ONECUT1: variants seen among roughly 807,000 people sequenced by gnomAD.
The protein encoded by ONECUT1 is one cut homeobox 1, also known as hepatocyte nuclear factor 6.
In ONECUT1, 12 loss-of-function variants were observed where a neutral mutation model predicts 25.6. That is an observed-to-expected ratio of 0.47 (90% CI 0.30 to 0.76). ONECUT1 has a LOEUF of 0.76. ONECUT1 is among the 30% of genes least tolerant of loss of function. The pLI is 0.07. For synonymous variants in ONECUT1, 285 were observed against 270.2 expected, an observed-to-expected ratio of 1.05 and a Z score of -0.54; for missense variants, 620 against 651.2, an observed-to-expected ratio of 0.95 and a Z score of 0.52.
chr15:52,790,087 C>G lies in ONECUT1; in HGVS notation c.-203G>C, dbSNP rs2083910850. The G allele has an allele frequency of 1.1e-5, 7 of 646,206 alleles. No homozygotes were observed. The highest frequency in any genetic ancestry group is 1.5e-5 in the Non-Finnish European group (7 of 452,592). 40.0% of individuals were successfully genotyped at this position (646,206 alleles called of 1,614,324 possible). On this transcript the variant is annotated 5_prime_UTR_variant, in exon 1 of 2. Transcript: ENST00000305901. ...TGTGCGTGTGTGTGTGTGTGTGTGT[C>G]TCGCCTTCCCTCTTACCCCCCACCT...
At chr15:52,763,104 G>A (rs2083715133) in intron 1 of ONECUT1, among the ~76,000 whole-genome samples, 1 of 152,202 alleles carries the variant, frequency 6.6e-6, no homozygotes, top group Non-Finnish European at 1.5e-5. Context: ...ATTAAAAATA[G>A]AGAAATACTT....
chr15:52,782,842 A>G (rs2083850084), intron 1 of ONECUT1, among the ~76,000 whole-genome samples: 1 of 152,208 alleles, frequency 6.6e-6, no homozygotes, highest in Non-Finnish European at 1.5e-5. Context: ...ATTCCAATAA[A>G]TGGACTTTAC....
rs115057815 is a variant in ONECUT1 at position 52,756,804 on chromosome 15, C to T, written c.*751G>A. On this transcript the variant is annotated 3_prime_UTR_variant, in exon 2 of 2. Coordinates refer to ENST00000305901, the MANE Select transcript of ONECUT1 (RefSeq NM_004498.4). The stretch of plus-strand genomic sequence containing the variant: ...TTCATAGTATCTTGTGTAAAAATAG[C>T]TTTGGTTATTAAAATCATTGCAATA... Among the ~76,000 whole-genome samples the T allele has an allele frequency of 4.5e-4, 69 of 152,166 alleles. 1 individual carries two copies. The highest frequency in any genetic ancestry group is 1.4e-3 in the African/African-American group (60 of 41,502).
chr15:52,781,881 C>T (rs1395542783), intron 1 of ONECUT1, among the ~76,000 whole-genome samples: 1 of 152,290 alleles, frequency 6.6e-6, no homozygotes, highest in East Asian at 1.9e-4. Flanking sequence ...CATCTATGTT[C>T]CGATCACAGT....
At chr15:52,774,196 A>G (rs750436683) in intron 1 of ONECUT1, among the ~76,000 whole-genome samples, 14 of 150,806 alleles carry the variant, frequency 9.3e-5, no homozygotes, top group Non-Finnish European at 1.8e-4. Flanking sequence ...GCTGTGGGTG[A>G]TTCTTTTATT....
intron 1 of ONECUT1, among the ~76,000 whole-genome samples, chr15:52,779,281 G>A (rs1188063523): frequency 6.6e-6 from 1 of 151,794 alleles, no homozygotes; most frequent in East Asian, 1.9e-4. Context: ...GTACAGACAG[G>A]GTTTCACCCT....
At position 52,789,662 on chromosome 15, in the gene ONECUT1, G is replaced by T. The variant is rs74805019; in HGVS notation, c.223C>A (p.Pro75Thr). 6.5e-7 allele frequency: 1 copy of T among 1,534,306 alleles called. No individual in the cohort carries two copies. Residue 75 changes from proline (P) to threonine (T), a missense_variant, in exon 1 of 2, where the codon CCT becomes ACT. By Grantham distance (38) the Pro-to-Thr change is conservative. Around this residue, in one of 4 missense-constraint regions of ONECUT1, gnomAD observed 440 missense variants for 404.9 expected, o/e 1.09. Transcript: ENST00000305901. This position sits in a 1 kb window ranked among gnomAD's most constrained non-coding sequence, Gnocchi z 4.1. ...AGGGGGCCGGCCAGGCTGTGCTCAG[G>T]GGCCCGGTGGTGGTGGTGGTAATCT... is the stretch of plus-strand genomic sequence containing the variant. ...GGDYHHHHRAPEHSLAGPLHP... is the reference protein window; with the variant it reads ...GGDYHHHHRATEHSLAGPLHP...
chr15:52,769,709 GA>G (rs1189382729), intron 1 of ONECUT1, among the ~76,000 whole-genome samples: 2 of 152,158 alleles, frequency 1.3e-5, no homozygotes, highest in Non-Finnish European at 2.9e-5. Flanking sequence ...GTGGAACATT[GA>G]AATTAGTTGG....
intron 1 of ONECUT1, among the ~76,000 whole-genome samples, chr15:52,759,460 C>A (rs115906388): frequency 0.011 from 1,715 of 152,288 alleles, 36 homozygotes; most frequent in African/African-American, 0.04. Flanking sequence ...AGAGTCCAAT[C>A]CAGAAGGCTC....
intron 1 of ONECUT1, among the ~76,000 whole-genome samples, chr15:52,760,890 C>G (rs957172876): frequency 6.6e-6 from 1 of 152,082 alleles, no homozygotes; most frequent in Non-Finnish European, 1.5e-5. Flanking sequence ...AAGAATGCTA[C>G]AGTGGGTGCT....
In ONECUT1 at chr15:52,757,258, C is replaced by A. The variant is rs968222860; in HGVS notation, c.*297G>T. ...CTCAATGGCTCAAAATCACTATGCTCCAAACCACTAAACAGCCAAGCACAG... is the reference window on the plus strand; with the variant it reads ...CTCAATGGCTCAAAATCACTATGCTACAAACCACTAAACAGCCAAGCACAG... On this transcript the variant is annotated 3_prime_UTR_variant, in exon 2 of 2. Transcript: ENST00000305901. 2.3e-5 allele frequency: 8 copies of A among 346,942 alleles called. No homozygotes were observed. The highest frequency in any genetic ancestry group is 4.2e-5 in the Non-Finnish European group (8 of 191,518). 21.5% of individuals were successfully genotyped at this position (346,942 alleles called of 1,614,324 possible).
At chr15:52,773,308 A>C (rs1311495052) in intron 1 of ONECUT1, among the ~76,000 whole-genome samples, 1 of 152,110 alleles carries the variant, frequency 6.6e-6, no homozygotes, top group African/African-American at 2.4e-5. Flanking sequence ...AAAGACATAT[A>C]AATAGGGAAT....
At chr15:52,768,264 A>G (rs771151317) in intron 1 of ONECUT1, among the ~76,000 whole-genome samples, 3 of 152,240 alleles carry the variant, frequency 2.0e-5, no homozygotes, top group African/African-American at 4.8e-5. Context: ...TGATTTTATC[A>G]TTACACATTG....
chr15:52,784,773 C>T lies in ONECUT1; in HGVS notation c.1105+4007G>A, dbSNP rs571360894. Among the ~76,000 whole-genome samples the T allele has an allele frequency of 2.0e-5, 3 of 152,346 alleles. No individual in the cohort carries two copies. In the South Asian group the frequency reaches 6.2e-4, roughly 32 times the overall value. ...GCTAGGTGTGTGTGTGTGAGGGTCCCCAGTTGACTACCGGGATGCACTGCC... is the reference window on the plus strand; with the variant it reads ...GCTAGGTGTGTGTGTGTGAGGGTCCTCAGTTGACTACCGGGATGCACTGCC... On this transcript the variant is annotated intron_variant, in intron 1 of 1. Coordinates refer to ENST00000305901, the MANE Select transcript of ONECUT1 (RefSeq NM_004498.4). The surrounding 1 kb of genome is among the most constrained non-coding windows in gnomAD (Gnocchi z 5.0).
intron 1 of ONECUT1, among the ~76,000 whole-genome samples, chr15:52,769,759 C>T (rs776069913): frequency 6.6e-5 from 10 of 152,098 alleles, no homozygotes; most frequent in Non-Finnish European, 1.5e-4. Flanking sequence ...GTTAGGTGCC[C>T]AGGAGGGGCC....
chr15:52,778,382 T>C (rs2083818014), intron 1 of ONECUT1, among the ~76,000 whole-genome samples: 1 of 152,238 alleles, frequency 6.6e-6, no homozygotes, highest in African/African-American at 2.4e-5. Context: ...GGAACAATGC[T>C]GCCAAGAACA....
At chr15:52,786,677 T>C (rs1209306045) in intron 1 of ONECUT1, among the ~76,000 whole-genome samples, 1 of 152,240 alleles carries the variant, frequency 6.6e-6, no homozygotes, top group Non-Finnish European at 1.5e-5. Context: ...AGCTCGGCTA[T>C]GTAGCTCTCC....
chr15:52,768,997 G>A (rs2083750571), intron 1 of ONECUT1, among the ~76,000 whole-genome samples: 1 of 152,036 alleles, frequency 6.6e-6, no homozygotes, highest in African/African-American at 2.4e-5. Context: ...AATCATTCCT[G>A]CCACACTGCT....
At position 52,788,577 on chromosome 15, in the gene ONECUT1, C is replaced by T; in HGVS notation, c.1105+203G>A. The stretch of plus-strand genomic sequence containing the variant: ...GCCGCTTAGCTCTCGGAGCCTTCCA[C>T]AGCCCAACACCCTGAGCCCTGGAGT... On this transcript the variant is annotated intron_variant, in intron 1 of 1. Coordinates refer to ENST00000305901, the MANE Select transcript of ONECUT1 (RefSeq NM_004498.4). This position sits in a 1 kb window ranked among gnomAD's most constrained non-coding sequence, Gnocchi z 4.3. 1.8e-6 allele frequency: 1 copy of T among 567,856 alleles called. No homozygotes were observed. Among genetic ancestry groups the T allele is most frequent in the Non-Finnish European group, 3.0e-6 (1 of 329,120 alleles). The allele number at this position is 567,856 out of a possible 1,614,324, so 35.2% of individuals were successfully genotyped here. A position where few individuals can be genotyped will look rare whatever the true frequency, so the allele number is the denominator to read the frequency against.
Sources: allele counts gnomAD v4.1 joint callset (sites outside exome capture counted in the v4.1 genomes callset), GRCh38; gene constraint gnomAD v4.1.1; regional missense constraint gnomAD v4.1.1; non-coding constraint Gnocchi (gnomAD v3.1); transcripts MANE v1.5; gene names NCBI Gene and HGNC (gene_info 2026-07-23, HGNC 2026-07-21).